The following MOB1B variants were observed in gnomAD, a reference collection of about 807,000 sequenced individuals.
MOB1B encodes MOB kinase activator 1B.
In MOB1B, 19 loss-of-function variants were observed where a neutral mutation model predicts 24.4. The ratio of observed to expected loss-of-function variants is 0.78; its 90% CI spans 0.54 to 1.14. The LOEUF is 1.14. MOB1B is among the 50% of genes most tolerant of loss of function. The pLI is 0.00. For synonymous variants in MOB1B, 76 were observed against 82.1 expected, an observed-to-expected ratio of 0.93 and a Z score of 0.40; for missense variants, 243 against 259.6, an observed-to-expected ratio of 0.94 and a Z score of 0.44.
At chr4:70,923,504 A>C (rs1736521934) in intron 1 of MOB1B, among the ~76,000 whole-genome samples, 1 of 152,074 alleles carries the variant, frequency 6.6e-6, no homozygotes, top group Non-Finnish European at 1.5e-5. Flanking sequence ...TGCCTAGTCA[A>C]ATTTTCTTTT....
chr4:70,902,695 G>A, intron 1 of MOB1B, 145 bp downstream of exon 1: 3 of 720,762 alleles, frequency 4.2e-6, no homozygotes, highest in Admixed American at 4.4e-5. Context: ...GCGGGGCCCC[G>A]GGACTGCGCG....
chr4:70,911,769 A>G (rs553332215), intron 1 of MOB1B, among the ~76,000 whole-genome samples: 1 of 152,290 alleles, frequency 6.6e-6, no homozygotes, highest in Admixed American at 6.5e-5. Context: ...AAATAGCTAC[A>G]TGTTACTTGA....
chr4:70,939,432 A>T (rs1475958439), intron 1 of MOB1B, among the ~76,000 whole-genome samples: 1 of 152,198 alleles, frequency 6.6e-6, no homozygotes, highest in East Asian at 1.9e-4. Flanking sequence ...GTAATCTCAC[A>T]CCCGTAATCA....
intron 1 of MOB1B, among the ~76,000 whole-genome samples, chr4:70,910,463 ATATC>A (rs1028869910): frequency 4.1e-4 from 63 of 151,852 alleles, no homozygotes; most frequent in African/African-American, 1.5e-3. Flanking sequence ...GTGTGTATGT[ATATC>A]TATATATATA....
chr4:70,986,093 G>GA lies in MOB1B; in HGVS notation c.*4043dup, dbSNP rs1739371722. The GA allele has an allele frequency of 6.6e-6, 1 of 151,942 alleles. No homozygotes were observed. The highest frequency in any genetic ancestry group is 1.5e-5 in the Non-Finnish European group (1 of 67,966). 9.4% of individuals were successfully genotyped at this position (151,942 alleles called of 1,614,324 possible). A position where few individuals can be genotyped will look rare whatever the true frequency, so the allele number is the denominator to read the frequency against. On this transcript the variant is annotated 3_prime_UTR_variant, in exon 6 of 6. Transcript: ENST00000309395. ...ATTACCTTAGTTAGATATACTAATGGAAAAAAACCAAGTCCTTTCTCTAGA... is the reference window on the plus strand; with the variant it reads ...ATTACCTTAGTTAGATATACTAATGGAAAAAAAACCAAGTCCTTTCTCTAGA...
At chr4:70,949,172 C>T (rs958526389) in intron 1 of MOB1B, among the ~76,000 whole-genome samples, 5 of 152,234 alleles carry the variant, frequency 3.3e-5, no homozygotes, top group Middle Eastern at 3.4e-3. Context: ...AAGAATTCCT[C>T]GATTTCTGAA....
intron 1 of MOB1B, among the ~76,000 whole-genome samples, chr4:70,957,756 T>TA (rs1738128879): frequency 6.8e-6 from 1 of 146,618 alleles, no homozygotes; most frequent in African/African-American, 2.7e-5. Context: ...CTGCCTTATT[T>TA]TTTTTTTTTT....
At chr4:70,914,317 C>T (rs1039535965) in intron 1 of MOB1B, among the ~76,000 whole-genome samples, 7 of 152,112 alleles carry the variant, frequency 4.6e-5, no homozygotes, top group Non-Finnish European at 1.0e-4. Context: ...ATAAGGATTC[C>T]CATGTTCTTC....
At chr4:70,941,859 A>G (rs1737361992) in intron 1 of MOB1B, among the ~76,000 whole-genome samples, 3 of 152,220 alleles carry the variant, frequency 2.0e-5, no homozygotes, top group Admixed American at 2.0e-4. Flanking sequence ...CTGGACCGAG[A>G]TACTTCAATA....
At chr4:70,952,125 G>A (rs1202597756) in intron 1 of MOB1B, among the ~76,000 whole-genome samples, 1 of 152,088 alleles carries the variant, frequency 6.6e-6, no homozygotes, top group Non-Finnish European at 1.5e-5. Context: ...GTACACACAA[G>A]GATGCTTACT....
At chr4:70,944,714 C>T (rs79117691) in intron 1 of MOB1B, among the ~76,000 whole-genome samples, 4,567 of 152,016 alleles carry the variant, frequency 0.03, 95 homozygotes, top group Non-Finnish European at 0.047. Context: ...AGAGCAGGTA[C>T]GTCACATGGC....
chr4:70,924,378 CTT>C (rs1469826647), intron 1 of MOB1B, among the ~76,000 whole-genome samples: 2 of 152,180 alleles, frequency 1.3e-5, no homozygotes, highest in South Asian at 2.1e-4. Flanking sequence ...GCTGCAGTGA[CTT>C]TGACTCTTCA....
intron 1 of MOB1B, among the ~76,000 whole-genome samples, chr4:70,916,418 CTAT>C (rs1180717367): frequency 6.6e-6 from 1 of 152,162 alleles, no homozygotes; most frequent in Non-Finnish European, 1.5e-5. Context: ...ACGAGAGAGA[CTAT>C]TATTATGACT....
chr4:70,956,268 C>T (rs928467748), intron 1 of MOB1B, among the ~76,000 whole-genome samples: 3 of 151,612 alleles, frequency 2.0e-5, no homozygotes, highest in Non-Finnish European at 2.9e-5. Context: ...TTTCTTTTAG[C>T]TCCTGATTCT....
chr4:70,931,399 G>A lies in MOB1B; in HGVS notation c.15-27475G>A, dbSNP rs189774495. On this transcript the variant is annotated intron_variant, in intron 1 of 5. Transcript: ENST00000309395. The stretch of plus-strand genomic sequence containing the variant: ...AACTTATAATTTGGGCAAAATCATC[G>A]TACTTTTGTGTCTCTTTTTCTTATT... 9.2e-5 allele frequency among the ~76,000 whole-genome samples: 14 copies of A among 152,236 alleles called. No individual in the cohort carries two copies. The East Asian group carries it at 1.9e-3, about 21-fold the overall frequency.
chr4:70,956,469 C>T (rs192328261), intron 1 of MOB1B, among the ~76,000 whole-genome samples: 63 of 152,132 alleles, frequency 4.1e-4, no homozygotes, highest in African/African-American at 1.4e-3. Context: ...TTTGCTCTAT[C>T]ACCCAGGCTG....
At position 70,970,052 on chromosome 4, in the gene MOB1B, T is replaced by C. The variant is rs532230980; in HGVS notation, c.275+28T>C. 3.9e-6 allele frequency: 5 copies of C among 1,277,648 alleles called. No homozygotes were observed. In the South Asian group the frequency reaches 4.1e-5, roughly 11 times the overall value. 79.1% of individuals were successfully genotyped at this position (1,277,648 alleles called of 1,614,324 possible). Reference sequence around the variant, plus strand: ...AAGACATAGTTAATGATCAGTTTCTTATTTTTACATTATTTTACGGTTCTT... The same window carrying C: ...AAGACATAGTTAATGATCAGTTTCTCATTTTTACATTATTTTACGGTTCTT... On this transcript the variant is annotated intron_variant, in intron 3 of 5. Transcript: ENST00000309395.
In MOB1B at chr4:70,965,524, G is replaced by T. The variant is rs576278622; in HGVS notation, c.182-4407G>T. 1.7e-4 allele frequency among the ~76,000 whole-genome samples: 25 copies of T among 151,326 alleles called. No individual in the cohort carries two copies. In the South Asian group the frequency reaches 5.0e-3, roughly 30 times the overall value. On this transcript the variant is annotated intron_variant, in intron 2 of 5. Coordinates refer to ENST00000309395, the MANE Select transcript of MOB1B (RefSeq NM_173468.4). Reference sequence around the variant, plus strand: ...TTAAAAGTTGTAAGAGAGGCCGGGCGCGGTGGCTCACGCCTGTAATCCCAG... The same window carrying T: ...TTAAAAGTTGTAAGAGAGGCCGGGCTCGGTGGCTCACGCCTGTAATCCCAG...
At chr4:70,956,469 CACCCAG>C (rs1169480738) in intron 1 of MOB1B, among the ~76,000 whole-genome samples, 4 of 152,014 alleles carry the variant, frequency 2.6e-5, no homozygotes, top group Admixed American at 2.6e-4. Flanking sequence ...TTTGCTCTAT[CACCCAG>C]GCTGGAAAGC....
Sources: allele counts gnomAD v4.1 joint callset (sites outside exome capture counted in the v4.1 genomes callset), GRCh38; gene constraint gnomAD v4.1.1; transcripts MANE v1.5; gene names NCBI Gene and HGNC (gene_info 2026-07-23, HGNC 2026-07-21).